The following PRC1 variants were observed in gnomAD, a reference collection of about 807,000 sequenced individuals.
PRC1 encodes the protein anaphase spindle elongation 1 homolog.
PRC1 carries 54 observed loss-of-function variants against 91.2 expected under a neutral mutation model. That is an observed-to-expected ratio of 0.59 (90% confidence interval 0.48 to 0.74). The LOEUF (loss-of-function observed/expected upper bound fraction) is 0.74. Ranked by LOEUF, PRC1 falls within the 30% of genes least tolerant of loss-of-function variation. The pLI, the probability that PRC1 is intolerant of heterozygous loss-of-function variation, is 0.00. For missense variants in PRC1, 727 were observed against 746.2 expected, an observed-to-expected ratio of 0.97 and a Z score of 0.30; for synonymous variants, 275 against 263.6, an observed-to-expected ratio of 1.04 and a Z score of -0.42.
intron 1 of PRC1, among the ~76,000 whole-genome samples, chr15:90,985,257 A>G (rs1369996603): frequency 1.3e-5 from 2 of 150,490 alleles, no homozygotes; most frequent in East Asian, 1.9e-4. Context: ...TTGAGACAGC[A>G]TCTTGCTCTG....
chr15:90,977,057 G>A (rs12594925), intron 8 of PRC1, among the ~76,000 whole-genome samples: 24,798 of 150,834 alleles, frequency 0.16, 2,475 homozygotes, highest in East Asian at 0.49. Flanking sequence ...TTGAACCTGG[G>A]TGGCGTGCAG....
chr15:90,994,476 AGCAACAACCACCC>A lies in PRC1; in HGVS notation c.-72_-60del. ...CAGACCTACTCCACACGGCCCCGAG[AGCAACAACCACCC>A]GCAAACACCGGCGATGTCACTCCGC... On this transcript the variant is annotated 5_prime_UTR_variant, in exon 1 of 15. Transcript: ENST00000394249. The A allele has an allele frequency of 6.4e-7, 1 of 1,572,184 alleles. No homozygotes were observed. The highest frequency in any genetic ancestry group is 8.6e-7 in the Non-Finnish European group (1 of 1,157,024).
chr15:90,966,530 G>A lies in PRC1; in HGVS notation c.*601C>T. The A allele has an allele frequency of 2.2e-6, 1 of 456,146 alleles. No individual in the cohort carries two copies. The highest frequency in any genetic ancestry group is 4.4e-6 in the Non-Finnish European group (1 of 226,714). 28.3% of individuals were successfully genotyped at this position (456,146 alleles called of 1,614,324 possible). A position where few individuals can be genotyped will look rare whatever the true frequency, so the allele number is the denominator to read the frequency against. On this transcript the variant is annotated 3_prime_UTR_variant, in exon 15 of 15. Coordinates refer to ENST00000394249, the MANE Select transcript of PRC1 (RefSeq NM_003981.4). ...TACCCCCAACAAAGGGCAATGCACT[G>A]TGTAACAGAACTGAACACAATTTAA...
rs1286887010 is a variant in PRC1, at chr15:90,974,666, C to A, written c.1269G>T (p.Val423=). 4 of 1,614,238 alleles carry A rather than the reference C, an allele frequency of 2.5e-6. No homozygotes were observed. In the East Asian group the frequency reaches 6.7e-5, roughly 27 times the overall value. The change falls in exon 10 of 15, where the codon GTG becomes GTT. Residue 423 remains valine (V), a synonymous_variant. Transcript: ENST00000394249. This position sits in a 1 kb window ranked among gnomAD's most constrained non-coding sequence, Gnocchi z 4.6. ...CATACTCCATGAATTTCTGCCCATT[C>A]ACCATAAATGCCTTTGAATGTTCCT... The part of the protein sequence containing the change: ...WEQEHSKAFM[V]NGQKFMEYVA...
Position 90,974,211 on chromosome 15 carries a change from C to G in PRC1, c.1386G>C (p.Met462Ile), listed in dbSNP as rs770084357. 27 of 1,614,098 alleles carry G rather than the reference C, an allele frequency of 1.7e-5. No individual in the cohort carries two copies. Among genetic ancestry groups the G allele is most frequent in the Non-Finnish European group, 2.1e-5 (25 of 1,180,036 alleles). Residue 462 changes from methionine to isoleucine, a missense_variant, in exon 11 of 15, where the codon ATG (methionine) becomes ATC (isoleucine). By Grantham distance (10) the Met-to-Ile change is conservative. Coordinates refer to ENST00000394249, the MANE Select transcript of PRC1 (RefSeq NM_003981.4). This position sits in a 1 kb window ranked among gnomAD's most constrained non-coding sequence, Gnocchi z 4.6. ...GTGTTCGAGGAGCGCTGCCATACAG[C>G]ATCTCTGTCTCTGTCTGTTTTTTGT... ...LKNKKQTETE[M>I]LYGSAPRTPS...
chr15:90,969,569 C>G lies in PRC1; in HGVS notation c.1627G>C (p.Gly543Arg), dbSNP rs769430477. The change falls in exon 13 of 15, where the codon GGA (glycine) becomes CGA (arginine). Residue 543 changes from glycine to arginine, a missense_variant. Coordinates refer to ENST00000394249, the MANE Select transcript of PRC1 (RefSeq NM_003981.4). ...GKKTPRTGRH[G>R]ANKENLELNG... The stretch of plus-strand genomic sequence containing the variant: ...AGCTCCAGGTTCTCCTTGTTGGCTC[C>G]ATGCCTGCCAGTACGGGGTGTTTTC... 1.2e-6 allele frequency: 2 copies of G among 1,613,596 alleles called. No homozygotes were observed. Among genetic ancestry groups the G allele is most frequent in the Non-Finnish European group, 1.7e-6 (2 of 1,179,734 alleles).
chr15:90,972,698 A>G (rs2038264171), intron 11 of PRC1, among the ~76,000 whole-genome samples: 1 of 151,796 alleles, frequency 6.6e-6, no homozygotes, highest in Non-Finnish European at 1.5e-5. Flanking sequence ...GAGATCACCC[A>G]TTGCACTCCA....
chr15:90,992,008 C>T (rs1047204075), intron 1 of PRC1, among the ~76,000 whole-genome samples: 2 of 152,210 alleles, frequency 1.3e-5, no homozygotes, highest in Non-Finnish European at 2.9e-5. Context: ...TCACAGCGAC[C>T]TCCTTGCTCT....
At chr15:90,968,985 A>G (rs549546332) in intron 14 of PRC1, 94 bp downstream of exon 14, 3 of 1,595,400 alleles carry the variant, frequency 1.9e-6, no homozygotes, top group African/African-American at 2.7e-5. Flanking sequence ...CACTGCTGAG[A>G]TTATTAGTTA....
intron 9 of PRC1, among the ~76,000 whole-genome samples, chr15:90,976,250 G>T (rs562705730): frequency 6.6e-6 from 1 of 151,952 alleles, no homozygotes. Context: ...CACCATGCCT[G>T]GCTAATTTTT....
In PRC1 at chr15:90,981,885, T is replaced by G; in HGVS notation, c.364A>C (p.Lys122Gln). 1 of 1,614,240 alleles carries G rather than the reference T, an allele frequency of 6.2e-7. No individual in the cohort carries two copies. The highest frequency in any genetic ancestry group is 2.2e-5 in the East Asian group (1 of 44,892). The change falls in exon 4 of 15, where the codon AAG becomes CAG. Residue 122 changes from lysine (K) to glutamine (Q), a missense_variant. By Grantham distance (53) the Lys-to-Gln change is moderately conservative (BLOSUM62 1). Coordinates refer to ENST00000394249, the MANE Select transcript of PRC1 (RefSeq NM_003981.4). ...TCTTGATCTTGCTCTTGAAGTAGCT[T>G]CAGTTCCTGTTTTCTCTCCTTTTTC... The part of the protein sequence containing the change: ...KQKKERKQEL[K>Q]LLQEQDQELC...
rs151145465 is a variant in PRC1, at chr15:90,968,457, T to C, written c.1791+622A>G. On this transcript the variant is annotated intron_variant, in intron 14 of 14. Coordinates refer to ENST00000394249, the MANE Select transcript of PRC1 (RefSeq NM_003981.4). ...ATCCTCTCCTCTTGCTAGTAAAATA[T>C]TGAGAGAAGAAATCACAGATTAAGT... 2.1e-3 allele frequency: 2,082 copies of C among 985,344 alleles called. 4 individuals are homozygous for C. The highest frequency in any genetic ancestry group is 2.4e-3 in the Non-Finnish European group (1,989 of 829,688). The allele number at this position is 985,344 out of a possible 1,614,324, so 61.0% of individuals were successfully genotyped here.
chr15:90,971,377 C>A (rs1029221936), intron 11 of PRC1, among the ~76,000 whole-genome samples: 1 of 152,110 alleles, frequency 6.6e-6, no homozygotes, highest in African/African-American at 2.4e-5. Context: ...CCTCGACCTC[C>A]TGGGCTCAAG....
chr15:90,969,547 T>TCCAGGTTC lies in PRC1; in HGVS notation c.1641_1648dup (p.Glu550GlyfsTer10). ...ACCACTCAGGATGCTGCCGTTGAGC[T>TCCAGGTTC]CCAGGTTCTCCTTGTTGGCTCCATG... is the stretch of plus-strand genomic sequence containing the variant. On this transcript the variant is annotated frameshift_variant, in exon 13 of 15. Coordinates refer to ENST00000394249, the MANE Select transcript of PRC1 (RefSeq NM_003981.4). LOFTEE classifies it high-confidence loss of function. 5.6e-6 allele frequency: 9 copies of TCCAGGTTC among 1,613,846 alleles called. No individual in the cohort carries two copies. The highest frequency in any genetic ancestry group is 6.8e-6 in the Non-Finnish European group (8 of 1,179,824).
intron 7 of PRC1, 117 bp from the exon 8 acceptor site, chr15:90,979,411 A>G: frequency 8.3e-7 from 1 of 1,203,726 alleles, no homozygotes; most frequent in Non-Finnish European, 1.2e-6. Context: ...AAACTGATAC[A>G]GGAAGAGGCG....
chr15:90,976,345 T>A (rs1015320154), intron 9 of PRC1, among the ~76,000 whole-genome samples: 1 of 151,450 alleles, frequency 6.6e-6, no homozygotes, highest in African/African-American at 2.4e-5. Context: ...GACCTCATGA[T>A]CAAGACCAGG....
chr15:90,984,912 C>T lies in PRC1; in HGVS notation c.12-87G>A. 3 of 1,523,142 alleles carry T rather than the reference C, an allele frequency of 2.0e-6. No individual in the cohort carries two copies. Among genetic ancestry groups the T allele is most frequent in the Non-Finnish European group, 1.8e-6 (2 of 1,125,028 alleles). 94.4% of individuals were successfully genotyped at this position (1,523,142 alleles called of 1,614,324 possible). A position where few individuals can be genotyped will look rare whatever the true frequency, so the allele number is the denominator to read the frequency against. On this transcript the variant is annotated intron_variant, in intron 1 of 14. Transcript: ENST00000394249. This position sits in a 1 kb window ranked among gnomAD's most constrained non-coding sequence, Gnocchi z 5.1. ...TATTTTCGAGAACTAAAAAGACTAG[C>T]TTCTCAGTGGCCTCGAGAAAAAAAC... is the stretch of plus-strand genomic sequence containing the variant.
intron 1 of PRC1, among the ~76,000 whole-genome samples, chr15:90,992,933 T>G (rs1357045457): frequency 6.6e-6 from 1 of 151,842 alleles, no homozygotes; most frequent in Non-Finnish European, 1.5e-5. Flanking sequence ...TTTGTTGATC[T>G]CCAGTTCAAC....
chr15:90,979,185 T>G lies in PRC1; in HGVS notation c.1080A>C (p.Glu360Asp). Residue 360 changes from glutamate to aspartate, a missense_variant, in exon 8 of 15, where the codon GAA becomes GAC. Transcript: ENST00000394249. ...CAAACTCTAAGAAAAGCCTCCAGGT[T>G]TCTTCCCACTTCTGGACACCTTCAA... ...ELFEGVQKWE[E>D]TWRLFLEFER... The G allele has an allele frequency of 3.1e-6, 5 of 1,613,748 alleles. No homozygotes were observed. Among genetic ancestry groups the G allele is most frequent in the Non-Finnish European group, 4.2e-6 (5 of 1,179,932 alleles).
Sources: allele counts gnomAD v4.1 joint callset (sites outside exome capture counted in the v4.1 genomes callset), GRCh38; gene constraint gnomAD v4.1.1; non-coding constraint Gnocchi (gnomAD v3.1); transcripts MANE v1.5; gene names NCBI Gene and HGNC (gene_info 2026-07-23, HGNC 2026-07-21).